The following RHOBTB1 variants were observed in gnomAD, a reference collection of about 807,000 sequenced individuals.
The protein encoded by RHOBTB1 is Rho related BTB domain containing 1, also known as rho-related BTB domain-containing protein 1.
Under a neutral mutation model 71.6 loss-of-function variants are expected in RHOBTB1, and 40 were observed. That is an observed-to-expected ratio of 0.56 (90% CI 0.43 to 0.73). The LOEUF is 0.73. Among genes scored for constraint, RHOBTB1 ranks in the 30% least tolerant of loss-of-function variants. RHOBTB1 has a pLI of 0.00. For missense variants in RHOBTB1, 797 were observed against 894.0 expected (o/e 0.89, Z 1.38); for synonymous variants, 319 against 334.9 (o/e 0.95, Z 0.52).
intron 2 of RHOBTB1, among the ~76,000 whole-genome samples, chr10:60,937,342 A>G (rs931581813): frequency 1.3e-5 from 2 of 152,206 alleles, no homozygotes; most frequent in South Asian, 4.1e-4. Context: ...ACGTGACAAA[A>G]AGAAAAAACA....
At chr10:60,893,757 TA>T in intron 4 of RHOBTB1, among the ~76,000 whole-genome samples, 1 of 152,200 alleles carries the variant, frequency 6.6e-6, no homozygotes, top group East Asian at 1.9e-4. Context: ...AATTTTGACA[TA>T]AGGGTCTTCC....
At chr10:60,909,638 G>A (rs1254012120) in intron 4 of RHOBTB1, among the ~76,000 whole-genome samples, 1 of 151,856 alleles carries the variant, frequency 6.6e-6, no homozygotes, top group Non-Finnish European at 1.5e-5. Flanking sequence ...AGAACAATTG[G>A]ACAAAAGAAA....
chr10:60,867,578 C>A (rs75968440), downstream of RHOBTB1, among the ~76,000 whole-genome samples: 1 of 152,196 alleles, frequency 6.6e-6, no homozygotes, highest in African/African-American at 2.4e-5. Flanking sequence ...ACTGCATGAT[C>A]GCTTGGTTTC....
intron 2 of RHOBTB1, among the ~76,000 whole-genome samples, chr10:60,961,098 G>T (rs939249393): frequency 6.6e-6 from 1 of 152,076 alleles, no homozygotes; most frequent in African/African-American, 2.4e-5. Context: ...GGGGTGTGGG[G>T]CTGTCATTCT....
chr10:60,939,218 A>G lies in RHOBTB1; in HGVS notation c.-11+2586T>C, dbSNP rs553379004. ...ATTTGATGACAGAGCTCAAGAAAGTATCTGAAGACAGGAGTGTCCTGGGAC... is the reference window on the plus strand; with the variant it reads ...ATTTGATGACAGAGCTCAAGAAAGTGTCTGAAGACAGGAGTGTCCTGGGAC... On this transcript the variant is annotated intron_variant, in intron 2 of 10. Coordinates refer to ENST00000337910, the MANE Select transcript of RHOBTB1 (RefSeq NM_014836.5). 5.9e-5 allele frequency among the ~76,000 whole-genome samples: 9 copies of G among 152,280 alleles called. No individual in the cohort carries two copies. The South Asian group carries it at 1.2e-3, about 21-fold the overall frequency.
chr10:60,911,779 A>G (rs2082985918), intron 2 of RHOBTB1, among the ~76,000 whole-genome samples: 1 of 152,222 alleles, frequency 6.6e-6, no homozygotes, highest in Admixed American at 6.5e-5. Context: ...GACCCCAAAC[A>G]GTTTATTCCC....
intron 1 of RHOBTB1, among the ~76,000 whole-genome samples, chr10:60,991,800 T>C (rs373288065): frequency 1.3e-4 from 20 of 152,124 alleles, no homozygotes; most frequent in Admixed American, 3.9e-4. Context: ...ATGCCTTCTG[T>C]GTGTATGCCC....
At chr10:60,875,660 C>T (rs1036013614) in intron 8 of RHOBTB1, among the ~76,000 whole-genome samples, 3 of 152,206 alleles carry the variant, frequency 2.0e-5, no homozygotes, top group Non-Finnish European at 2.9e-5. Flanking sequence ...AATGTGATTG[C>T]GTACGTCTGT....
chr10:60,892,883 G>A lies in RHOBTB1; in HGVS notation c.409C>T (p.Leu137Phe). 1.9e-6 allele frequency: 3 copies of A among 1,614,058 alleles called. No homozygotes were observed. The highest frequency in any genetic ancestry group is 2.5e-6 in the Non-Finnish European group (3 of 1,179,992). ...KHFCPRTPVI[L>F]VGCQLDLRYA... ...CGGAGATCAAGCTGGCACCCAACAA[G>A]GATAACGGGTGTTCGAGGGCAAAAG... Residue 137 changes from leucine (L) to phenylalanine (F), a missense_variant, in exon 5 of 11, where the codon CTT (leucine) becomes TTT (phenylalanine). Physicochemically the swap from Leu to Phe is conservative, Grantham distance 22. This residue lies in a region of RHOBTB1 where 139 missense variants were observed against 212.5 expected (regional missense o/e 0.65). Coordinates refer to ENST00000337910, the MANE Select transcript of RHOBTB1 (RefSeq NM_014836.5).
intron 7 of RHOBTB1, among the ~76,000 whole-genome samples, chr10:60,880,177 C>CTGTGTGTGTGTGTGTGTGTGTG (rs1554829436): frequency 3.0e-5 from 3 of 100,558 alleles, no homozygotes; most frequent in African/African-American, 1.3e-4. Context: ...TGAGGGATGA[C>CTGTGTGTGTGTGTGTGTGTGTG]TGTGTGTGTG....
At chr10:60,967,283 CTGTTTT>C (rs2085999850) in intron 2 of RHOBTB1, among the ~76,000 whole-genome samples, 1 of 145,850 alleles carries the variant, frequency 6.9e-6, no homozygotes, top group African/African-American at 2.5e-5. Context: ...CTTTGTTTGC[CTGTTTT>C]TTTTTTTTTT....
intron 2 of RHOBTB1, among the ~76,000 whole-genome samples, chr10:60,938,074 A>G (rs2084691940): frequency 1.3e-5 from 2 of 152,236 alleles, no homozygotes; most frequent in Admixed American, 1.3e-4. Flanking sequence ...CACTTAAGAA[A>G]GACAGCTTGG....
chr10:60,947,577 A>G (rs1445698304), upstream of RHOBTB1, among the ~76,000 whole-genome samples: 2 of 151,890 alleles, frequency 1.3e-5, no homozygotes, highest in African/African-American at 2.4e-5. Context: ...ATGTTTTGAG[A>G]TTGACTTTTT....
chr10:60,980,094 T>G (rs1052887809), intron 2 of RHOBTB1, among the ~76,000 whole-genome samples: 5 of 152,152 alleles, frequency 3.3e-5, no homozygotes, highest in Non-Finnish European at 5.9e-5. Context: ...TGATTTATAC[T>G]TTATTGAAAA....
At chr10:60,969,140 T>C (rs796231897) in intron 2 of RHOBTB1, among the ~76,000 whole-genome samples, 1 of 152,040 alleles carries the variant, frequency 6.6e-6, no homozygotes, top group African/African-American at 2.4e-5. Flanking sequence ...GAAGTTGAGA[T>C]GGAACAAATT....
rs2080755387 is a variant in RHOBTB1, at chr10:60,871,024, T to C, written c.*458A>G. 6.5e-6 allele frequency: 1 copy of C among 153,080 alleles called. No individual in the cohort carries two copies. The highest frequency in any genetic ancestry group is 2.4e-5 in the African/African-American group (1 of 41,468). 9.5% of individuals were successfully genotyped at this position (153,080 alleles called of 1,614,324 possible). ...CCTCTAATTACGTAATAATGCTCGGTGGTCATGTGGGCAAAGAGAATCACA... is the reference window on the plus strand; with the variant it reads ...CCTCTAATTACGTAATAATGCTCGGCGGTCATGTGGGCAAAGAGAATCACA... On this transcript the variant is annotated 3_prime_UTR_variant, in exon 11 of 11. Coordinates refer to ENST00000337910, the MANE Select transcript of RHOBTB1 (RefSeq NM_014836.5).
intron 5 of RHOBTB1, among the ~76,000 whole-genome samples, chr10:60,892,329 G>A (rs990398107): frequency 3.9e-5 from 6 of 152,188 alleles, no homozygotes; most frequent in Non-Finnish European, 5.9e-5. Context: ...AGTGGACACT[G>A]TCATCTTGAG....
rs556743700 is a variant in RHOBTB1 at position 60,919,694 on chromosome 10, T to C, written c.-10-8142A>G. 3.3e-5 allele frequency among the ~76,000 whole-genome samples: 5 copies of C among 152,322 alleles called. No individual in the cohort carries two copies. In the South Asian group the frequency reaches 6.2e-4, roughly 19 times the overall value. Reference sequence around the variant, plus strand: ...AGAAAGGATGCTGCATAGAAGTCTATGGATGCAAATACTACAGAACCACCT... The same window carrying C: ...AGAAAGGATGCTGCATAGAAGTCTACGGATGCAAATACTACAGAACCACCT... On this transcript the variant is annotated intron_variant, in intron 2 of 10. Transcript: ENST00000337910.
chr10:60,920,346 T>A (rs1443155669), intron 2 of RHOBTB1, among the ~76,000 whole-genome samples: 3 of 151,348 alleles, frequency 2.0e-5, no homozygotes, highest in African/African-American at 7.3e-5. Flanking sequence ...GAAAAAATAA[T>A]GGATGGGAAG....
Sources: gnomAD v4.1 joint callset for allele counts (sites outside exome capture counted in the v4.1 genomes callset) on GRCh38, gnomAD v4.1.1 for gene constraint, gnomAD v4.1.1 regional missense constraint, MANE v1.5 for transcripts, NCBI Gene and HGNC (gene_info 2026-07-23, HGNC 2026-07-21) for gene names.